The following GABRB1 variants were observed in gnomAD, a reference collection of about 807,000 sequenced individuals.
The protein encoded by GABRB1 is gamma-aminobutyric acid receptor subunit beta-1.
GABRB1 carries 17 observed loss-of-function variants against 51.6 expected under a neutral mutation model. The ratio of observed to expected loss-of-function variants is 0.33; its 90% CI spans 0.23 to 0.49. The LOEUF (loss-of-function observed/expected upper bound fraction) is 0.49, where lower values mean the gene tolerates loss of function less well. Ranked by LOEUF, GABRB1 falls within the 20% of genes least tolerant of loss-of-function variation. The probability of loss-of-function intolerance (pLI) is 0.99; values close to 1 mark genes in which losing one functional copy is unlikely to be tolerated. For missense variants in GABRB1, 410 were observed against 600.6 expected (o/e 0.68, Z 3.32); for synonymous variants, 247 against 218.9 (o/e 1.13, Z -1.14).
At chr4:47,048,675 G>A (rs1468808916) in intron 3 of GABRB1, among the ~76,000 whole-genome samples, 1 of 152,216 alleles carries the variant, frequency 6.6e-6, no homozygotes, top group Non-Finnish European at 1.5e-5. Flanking sequence ...TTTTACAAGA[G>A]TCACCTGAGA....
At position 47,086,847 on chromosome 4, in the gene GABRB1, C is replaced by T. The variant is rs576288596; in HGVS notation, c.240+54363C>T. On this transcript the variant is annotated intron_variant, in intron 3 of 8. Transcript: ENST00000295454. The stretch of plus-strand genomic sequence containing the variant: ...GTGCAGTGGCTAAGGGCTGCTGGAG[C>T]GTGGTACCTCAGTACTGCTTCTGAT... 6.6e-5 allele frequency among the ~76,000 whole-genome samples: 10 copies of T among 152,266 alleles called. No homozygotes were observed. In the South Asian group the frequency reaches 1.5e-3, roughly 22 times the overall value.
intron 5 of GABRB1, among the ~76,000 whole-genome samples, chr4:47,358,417 A>T (rs1462366898): frequency 1.3e-5 from 2 of 151,502 alleles, no homozygotes; most frequent in Admixed American, 6.6e-5. Context: ...AGAGAGAGAG[A>T]GTGAGAGAGA....
At chr4:47,350,816 T>C (rs1726299828) in intron 5 of GABRB1, among the ~76,000 whole-genome samples, 1 of 152,086 alleles carries the variant, frequency 6.6e-6, no homozygotes, top group South Asian at 2.1e-4. Context: ...TGAACTGAAA[T>C]ATTTCATGAC....
At chr4:47,105,680 G>A (rs762620901) in intron 3 of GABRB1, among the ~76,000 whole-genome samples, 98 of 152,042 alleles carry the variant, frequency 6.4e-4, no homozygotes, top group Admixed American at 1.8e-3. Context: ...TGTTCAGGAC[G>A]GGAAATAAGG....
intron 3 of GABRB1, among the ~76,000 whole-genome samples, chr4:47,072,757 T>G (rs2109548836): frequency 6.6e-6 from 1 of 152,324 alleles, no homozygotes; most frequent in South Asian, 2.1e-4. Context: ...GTAAGCTAAA[T>G]TCTGTTTTGA....
At chr4:47,075,546 T>A (rs1413994197) in intron 3 of GABRB1, among the ~76,000 whole-genome samples, 1 of 152,172 alleles carries the variant, frequency 6.6e-6, no homozygotes, top group Non-Finnish European at 1.5e-5. Flanking sequence ...CAACCAAGCC[T>A]CCAGCCAGTC....
intron 4 of GABRB1, among the ~76,000 whole-genome samples, chr4:47,312,855 T>G (rs927637038): frequency 2.6e-5 from 4 of 152,176 alleles, no homozygotes; most frequent in Non-Finnish European, 5.9e-5. Flanking sequence ...TGCACACGTG[T>G]GTATTTGTGT....
chr4:47,415,621 C>G (rs1298708670), intron 8 of GABRB1, among the ~76,000 whole-genome samples: 1 of 152,164 alleles, frequency 6.6e-6, no homozygotes, highest in Non-Finnish European at 1.5e-5. Flanking sequence ...ATTAGGCATA[C>G]TTCAACCACG....
At chr4:47,250,706 G>C (rs1025385600) in intron 4 of GABRB1, among the ~76,000 whole-genome samples, 3 of 152,028 alleles carry the variant, frequency 2.0e-5, no homozygotes, top group African/African-American at 7.2e-5. Flanking sequence ...CCTCGTCTTA[G>C]AGCTCTGAAT....
intron 3 of GABRB1, among the ~76,000 whole-genome samples, chr4:47,159,590 G>A (rs557169566): frequency 1.3e-5 from 2 of 152,000 alleles, no homozygotes; most frequent in South Asian, 2.1e-4. Context: ...ACAGTCAAAC[G>A]TGAATATCCT....
Position 47,151,552 on chromosome 4 carries a change from G to T in GABRB1, c.241-9697G>T, listed in dbSNP as rs185900825. ...CATACCACATATTGGTTACCATTCTGGTCATGTAGTCATAGTCCACCTAAG... is the reference window on the plus strand; with the variant it reads ...CATACCACATATTGGTTACCATTCTTGTCATGTAGTCATAGTCCACCTAAG... On this transcript the variant is annotated intron_variant, in intron 3 of 8. Transcript: ENST00000295454. 9.2e-5 allele frequency among the ~76,000 whole-genome samples: 14 copies of T among 152,032 alleles called. 1 individual carries two copies. Among genetic ancestry groups the T allele is most frequent in the African/African-American group, 3.4e-4 (14 of 41,510 alleles).
intron 3 of GABRB1, among the ~76,000 whole-genome samples, chr4:47,050,018 A>G (rs1428394163): frequency 3.3e-5 from 5 of 152,206 alleles, no homozygotes; most frequent in Non-Finnish European, 5.9e-5. Context: ...CAGCTAAAGA[A>G]TATGTTCTCT....
chr4:47,149,827 A>C lies in GABRB1; in HGVS notation c.241-11422A>C, dbSNP rs1717346848. 2.0e-5 allele frequency among the ~76,000 whole-genome samples: 3 copies of C among 152,006 alleles called. No individual in the cohort carries two copies. The South Asian group carries it at 6.2e-4, about 31-fold the overall frequency. On this transcript the variant is annotated intron_variant, in intron 3 of 8. Transcript: ENST00000295454. ...TCTTTTTCTTTTTTTCTCATTATGA[A>C]GTATAAAGTAGCCAAAAATCCTTTT...
At chr4:46,998,558 C>A (rs1186207864) in intron 1 of GABRB1, among the ~76,000 whole-genome samples, 1 of 151,636 alleles carries the variant, frequency 6.6e-6, no homozygotes, top group Non-Finnish European at 1.5e-5. Flanking sequence ...ATGCCGAAAC[C>A]CCGTCTCTAC....
chr4:47,332,584 A>T (rs931729692), intron 5 of GABRB1, among the ~76,000 whole-genome samples: 3 of 152,202 alleles, frequency 2.0e-5, no homozygotes, highest in African/African-American at 4.8e-5. Flanking sequence ...TTTAAAAACT[A>T]TTGATACTAT....
chr4:47,069,879 A>G (rs961575776), intron 3 of GABRB1, among the ~76,000 whole-genome samples: 1 of 152,058 alleles, frequency 6.6e-6, no homozygotes, highest in African/African-American at 2.4e-5. Flanking sequence ...TTTCAAGCCC[A>G]CTGAAATTAG....
In GABRB1 at chr4:47,271,187, A is replaced by G. The variant is rs989757967; in HGVS notation, c.462-48940A>G. On this transcript the variant is annotated intron_variant, in intron 4 of 8. Transcript: ENST00000295454. Reference sequence around the variant, plus strand: ...ATCTCACAGCCCTGAGAGCCTACCCATTATTAACATGTTTATATATTCCCT... The same window carrying G: ...ATCTCACAGCCCTGAGAGCCTACCCGTTATTAACATGTTTATATATTCCCT... 2.6e-5 allele frequency among the ~76,000 whole-genome samples: 4 copies of G among 152,278 alleles called. 1 individual carries two copies. In the South Asian group the frequency reaches 8.3e-4, roughly 32 times the overall value.
rs1250224418 is a variant in GABRB1 at position 47,258,579 on chromosome 4, G to A, written c.462-61548G>A. 3.9e-5 allele frequency among the ~76,000 whole-genome samples: 6 copies of A among 152,140 alleles called. No homozygotes were observed. In the South Asian group the frequency reaches 6.2e-4, roughly 16 times the overall value. On this transcript the variant is annotated intron_variant, in intron 4 of 8. Transcript: ENST00000295454. ...AGAAAACAGTTTTTGTAGGAAAATTGTAAAGTGACCACAAATATATGCAAA... is the reference window on the plus strand; with the variant it reads ...AGAAAACAGTTTTTGTAGGAAAATTATAAAGTGACCACAAATATATGCAAA...
chr4:47,215,614 G>A (rs1261142909), intron 4 of GABRB1, among the ~76,000 whole-genome samples: 1 of 151,946 alleles, frequency 6.6e-6, no homozygotes, highest in Non-Finnish European at 1.5e-5. Flanking sequence ...GAGTTTCTCT[G>A]TTTTTTATGA....
Sources: gnomAD v4.1 joint callset for allele counts (sites outside exome capture counted in the v4.1 genomes callset) on GRCh38, gnomAD v4.1.1 for gene constraint, MANE v1.5 for transcripts, NCBI Gene and HGNC (gene_info 2026-07-23, HGNC 2026-07-21) for gene names.